YES1: variants seen among roughly 807,000 people sequenced by gnomAD.
YES1 encodes tyrosine-protein kinase Yes.
In YES1, 39 loss-of-function variants were observed where a neutral mutation model predicts 70.4. That is an observed-to-expected ratio of 0.55 (90% CI 0.43 to 0.72). YES1 has a LOEUF of 0.72. Among genes scored for constraint, YES1 ranks in the 30% least tolerant of loss-of-function variants. The pLI is 0.00. For synonymous variants in YES1, 198 were observed against 218.6 expected (o/e 0.91, Z 0.83); for missense variants, 495 against 644.8 (o/e 0.77, Z 2.52).
chr18:774,662 G>A lies in YES1; in HGVS notation c.-8-17827C>T, dbSNP rs566641394. 5.3e-5 allele frequency among the ~76,000 whole-genome samples: 8 copies of A among 152,118 alleles called. No homozygotes were observed. The South Asian group carries it at 1.7e-3, about 32-fold the overall frequency. Reference sequence around the variant, plus strand: ...CTCTCCACCTCCCACTGCTACCCTGGTCTAGGTCACATCACCTTTCACTAA... The same window carrying A: ...CTCTCCACCTCCCACTGCTACCCTGATCTAGGTCACATCACCTTTCACTAA... On this transcript the variant is annotated intron_variant, in intron 1 of 11. Transcript: ENST00000314574.
At chr18:742,501 T>C (rs11081316) in intron 8 of YES1, among the ~76,000 whole-genome samples, 69,115 of 151,248 alleles carry the variant, frequency 0.46, 16,009 homozygotes, top group African/African-American at 0.54. Context: ...AAAAAGTTCC[T>C]AGAAGTCCTG....
chr18:768,484 G>A (rs1029986721), intron 1 of YES1, among the ~76,000 whole-genome samples: 11 of 152,030 alleles, frequency 7.2e-5, no homozygotes, highest in Admixed American at 7.2e-4. Flanking sequence ...TACAGGTCTT[G>A]TCCAATTTTT....
At chr18:800,310 T>C (rs560744213) in intron 1 of YES1, among the ~76,000 whole-genome samples, 11 of 152,250 alleles carry the variant, frequency 7.2e-5, no homozygotes, top group Non-Finnish European at 1.6e-4. Context: ...CATTGTTCTA[T>C]GTGCTTGGAA....
intron 2 of YES1, among the ~76,000 whole-genome samples, chr18:755,799 A>C (rs897249380): frequency 1.1e-4 from 16 of 152,172 alleles, no homozygotes; most frequent in Non-Finnish European, 2.4e-4. Flanking sequence ...AGGAATCCTG[A>C]AACTCACTCT....
intron 1 of YES1, among the ~76,000 whole-genome samples, chr18:801,298 A>G (rs1458979783): frequency 1.3e-5 from 2 of 152,188 alleles, no homozygotes; most frequent in East Asian, 3.8e-4. Flanking sequence ...GTGCAACTGG[A>G]GTCCACCCTG....
chr18:728,161 C>A (rs564840172), intron 11 of YES1, among the ~76,000 whole-genome samples: 33 of 152,018 alleles, frequency 2.2e-4, no homozygotes, highest in African/African-American at 8.0e-4. Flanking sequence ...CATGGTGAGA[C>A]CCTGTCTCTA....
upstream of YES1, chr18:812,403 C>G (rs1907458702): frequency 6.6e-6 from 1 of 151,966 alleles, no homozygotes; most frequent in African/African-American, 2.4e-5. Flanking sequence ...CCGCCGTCCG[C>G]TCACCGGAAC....
intron 1 of YES1, among the ~76,000 whole-genome samples, chr18:778,533 A>G (rs529519090): frequency 1.1e-4 from 16 of 152,364 alleles, no homozygotes; most frequent in African/African-American, 3.6e-4. Flanking sequence ...ATGAACTCTA[A>G]TAAGTTAACT....
Position 724,570 on chromosome 18 carries a change from C to T in YES1, c.1486G>A (p.Gly496Ser). 1 of 1,614,106 alleles carries T rather than the reference C, an allele frequency of 6.2e-7. No individual in the cohort carries two copies. Among genetic ancestry groups the T allele is most frequent in the Non-Finnish European group, 8.5e-7 (1 of 1,180,028 alleles). ...ERGYRMPCPQ[G>S]CPESLHELMN... ...AATTCATGGAGGGATTCTGGACAGC[C>T]CTGAGGGCACGGCATCCTGTATCCT... The change falls in exon 12 of 12, where the codon GGC (glycine) becomes AGC (serine). Residue 496 changes from glycine to serine, a missense_variant. Gly to Ser is a moderately conservative substitution (Grantham distance 56). Around this residue, in one of 2 missense-constraint regions of YES1, gnomAD observed 385 missense variants for 540.9 expected, o/e 0.71. Transcript: ENST00000314574.
chr18:786,922 G>A (rs1905978340), intron 1 of YES1, among the ~76,000 whole-genome samples: 1 of 151,918 alleles, frequency 6.6e-6, no homozygotes, highest in Admixed American at 6.6e-5. Flanking sequence ...ACCTAAGCCT[G>A]TATTCCCTCT....
intron 8 of YES1, among the ~76,000 whole-genome samples, chr18:741,063 G>GT (rs912726998): frequency 2.0e-5 from 3 of 151,644 alleles, no homozygotes; most frequent in African/African-American, 7.3e-5. Context: ...ACGCCCAGCT[G>GT]TTTTTTGTAT....
rs71174288 is a variant in YES1, at chr18:765,248, CTATATATATATATATATATATATATA to C, written c.-8-8439_-8-8414del. Among the ~76,000 whole-genome samples, 315 of 91,494 alleles carry C rather than the reference CTATATATATATATATATATATATATA, an allele frequency of 3.4e-3. 5 individuals carry two copies. The East Asian group carries it at 0.095, about 28-fold the overall frequency. 60.0% of individuals were successfully genotyped at this position (91,494 alleles called of 152,430 possible). The stretch of plus-strand genomic sequence containing the variant: ...GGACAGGTTTGGGAAAGAGTTACAA[CTATATATATATATATATATATATATA>C]TATATATATATATATATATCTGTAG... On this transcript the variant is annotated intron_variant, in intron 1 of 11. Coordinates refer to ENST00000314574, the MANE Select transcript of YES1 (RefSeq NM_005433.4).
chr18:751,653 A>T (rs2080345242), intron 3 of YES1, 52 bp downstream of exon 3: 2 of 1,244,148 alleles, frequency 1.6e-6, no homozygotes, highest in Non-Finnish European at 2.4e-6. Flanking sequence ...GTTCCTGTGT[A>T]AAGACCAGAT....
At chr18:747,027 A>G (rs1183520617) in intron 4 of YES1, among the ~76,000 whole-genome samples, 1 of 152,248 alleles carries the variant, frequency 6.6e-6, no homozygotes, top group Non-Finnish European at 1.5e-5. Context: ...ACTTTCCTAC[A>G]TAACTACAAT....
intron 1 of YES1, among the ~76,000 whole-genome samples, chr18:774,426 G>A (rs1905282879): frequency 6.6e-6 from 1 of 152,132 alleles, no homozygotes; most frequent in South Asian, 2.1e-4. Flanking sequence ...ACGTCTAAAA[G>A]GATTTCAAAT....
chr18:782,233 G>T (rs1183869363), intron 1 of YES1, among the ~76,000 whole-genome samples: 2 of 152,064 alleles, frequency 1.3e-5, no homozygotes, highest in Non-Finnish European at 2.9e-5. Context: ...GGCCTTTTCG[G>T]CTCTTCATAA....
At chr18:810,739 C>T (rs1907331168) in intron 1 of YES1, among the ~76,000 whole-genome samples, 1 of 152,176 alleles carries the variant, frequency 6.6e-6, no homozygotes, top group African/African-American at 2.4e-5. Context: ...AACTTCCTTT[C>T]CTTACATGTC....
At chr18:803,229 C>A (rs533757571) in intron 1 of YES1, among the ~76,000 whole-genome samples, 1 of 151,976 alleles carries the variant, frequency 6.6e-6, no homozygotes, top group Non-Finnish European at 1.5e-5. Flanking sequence ...AGTGAGACTC[C>A]GTCTCAAAAA....
chr18:765,194 G>A (rs1904821642), intron 1 of YES1, among the ~76,000 whole-genome samples: 1 of 134,048 alleles, frequency 7.5e-6, no homozygotes, highest in African/African-American at 2.7e-5. Flanking sequence ...CCATAGATAC[G>A]AAAAGATAAT....
Sources: allele counts gnomAD v4.1 joint callset (sites outside exome capture counted in the v4.1 genomes callset), GRCh38; gene constraint gnomAD v4.1.1; regional missense constraint gnomAD v4.1.1; transcripts MANE v1.5; gene names NCBI Gene and HGNC (gene_info 2026-07-23, HGNC 2026-07-21).